MILR1: variants seen among roughly 807,000 people sequenced by gnomAD.
MILR1 encodes mast cell immunoglobulin like receptor 1.
In MILR1, 31 loss-of-function variants were observed where a neutral mutation model predicts 18.5. The ratio of observed to expected loss-of-function variants is 1.68; its 90% CI spans 1.26 to 2.26. The LOEUF is 2.26. Ranked by LOEUF, MILR1 falls within the 30% of genes most tolerant of loss-of-function variation. The probability of loss-of-function intolerance (pLI) is 0.00; values close to 1 mark genes in which losing one functional copy is unlikely to be tolerated. For synonymous variants in MILR1, 85 were observed against 56.2 expected, an observed-to-expected ratio of 1.51 and a Z score of -2.30; for missense variants, 257 against 157.4, an observed-to-expected ratio of 1.63 and a Z score of -3.38.
chr17:64,488,812 A>G, the MILR1 span, among the ~76,000 whole-genome samples: 1 of 152,138 alleles, frequency 6.6e-6, no homozygotes, highest in Non-Finnish European at 1.5e-5. Context: ...TACTAAAAAT[A>G]CAAAAATTAA....
At chr17:64,481,813 T>G in the MILR1 span, among the ~76,000 whole-genome samples, 1 of 151,934 alleles carries the variant, frequency 6.6e-6, no homozygotes, top group African/African-American at 2.4e-5. Context: ...AGGCAGAGGT[T>G]GCAGTGAGCC....
chr17:64,481,336 G>A, the MILR1 span: 1 of 985,100 alleles, frequency 1.0e-6, no homozygotes, highest in Non-Finnish European at 1.2e-6. Flanking sequence ...CAAAAGCCAG[G>A]GTCAGAAAGC....
intron 3 of MILR1, 100 bp downstream of exon 3, chr17:64,452,966 G>T: frequency 2.3e-6 from 1 of 427,988 alleles, no homozygotes; most frequent in East Asian, 3.4e-5. Flanking sequence ...TTAAGAACCT[G>T]GAAAGTATGT....
chr17:64,493,104 A>T, the MILR1 span: 1 of 1,386,782 alleles, frequency 7.2e-7, no homozygotes, highest in Middle Eastern at 1.8e-4. Context: ...TAATAGTAGT[A>T]ATAACGTTAA....
intron 5 of MILR1, among the ~76,000 whole-genome samples, chr17:64,462,799 T>C (rs1231181048): frequency 6.6e-6 from 1 of 151,908 alleles, no homozygotes; most frequent in Non-Finnish European, 1.5e-5. Flanking sequence ...CACCACCATG[T>C]ATTTTTAGTA....
downstream of MILR1, among the ~76,000 whole-genome samples, chr17:64,469,935 C>T (rs368197377): frequency 3.9e-5 from 6 of 152,174 alleles, no homozygotes; most frequent in East Asian, 1.2e-3. Context: ...AGAAGACAAG[C>T]AAAATGTAGT....
intron 3 of MILR1, among the ~76,000 whole-genome samples, chr17:64,456,844 TA>T (rs1309956326): frequency 6.6e-5 from 10 of 151,814 alleles, no homozygotes; most frequent in Non-Finnish European, 1.5e-4. Flanking sequence ...ATTTTTGGAT[TA>T]AAAAAACCCA....
At position 64,457,802 on chromosome 17, in the gene MILR1, T is replaced by A. The variant is rs935793641; in HGVS notation, c.652+118T>A. ...CTGACCTTCCAGGTCCTTCTGAAGG[T>A]GCATTTGTCAAGGTAGAAGGATAGA... On this transcript the variant is annotated intron_variant, in intron 4 of 9. Coordinates refer to ENST00000619286, the MANE Select transcript of MILR1 (RefSeq NM_001085423.2). 1.0e-4 allele frequency: 47 copies of A among 457,964 alleles called. No individual in the cohort carries two copies. In the East Asian group the frequency reaches 1.5e-3, roughly 14 times the overall value. 28.4% of individuals were successfully genotyped at this position (457,964 alleles called of 1,614,324 possible).
the MILR1 span, among the ~76,000 whole-genome samples, chr17:64,478,881 C>A: frequency 1.3e-5 from 2 of 151,912 alleles, no homozygotes; most frequent in Admixed American, 6.6e-5. Flanking sequence ...GGCGACAGTG[C>A]GAGACTCTGT....
intron 4 of MILR1, among the ~76,000 whole-genome samples, chr17:64,457,972 A>G (rs898680656): frequency 1.5e-3 from 226 of 152,346 alleles, no homozygotes; most frequent in Admixed American, 0.013. Flanking sequence ...GGAACCACAG[A>G]AAGGCCTAGA....
chr17:64,471,464 C>A (rs1388141912), downstream of MILR1, among the ~76,000 whole-genome samples: 2 of 152,180 alleles, frequency 1.3e-5, no homozygotes, highest in African/African-American at 4.8e-5. Context: ...TGTCTCACCC[C>A]AGGCACTGCA....
chr17:64,450,292 C>T (rs2037140199), intron 2 of MILR1, among the ~76,000 whole-genome samples: 1 of 152,026 alleles, frequency 6.6e-6, no homozygotes, highest in South Asian at 2.1e-4. Flanking sequence ...GTGTGCAGAT[C>T]AAATGAGACA....
the MILR1 span, chr17:64,485,700 A>C: frequency 6.3e-7 from 1 of 1,585,312 alleles, no homozygotes; most frequent in Non-Finnish European, 8.7e-7. Context: ...TTAGTTTCCC[A>C]AGTCTATCTC....
At chr17:64,454,130 A>C (rs2037238117) in intron 3 of MILR1, among the ~76,000 whole-genome samples, 1 of 151,820 alleles carries the variant, frequency 6.6e-6, no homozygotes. Flanking sequence ...GGGTTTCACC[A>C]TGTTGACCAG....
the MILR1 span, chr17:64,485,584 T>C: frequency 1.4e-6 from 1 of 707,862 alleles, no homozygotes; most frequent in Non-Finnish European, 2.5e-6. Context: ...GTGGCCAGAT[T>C]CTAAAAAAAC....
the MILR1 span, among the ~76,000 whole-genome samples, chr17:64,479,139 C>G: frequency 1.3e-5 from 2 of 150,352 alleles, 1 homozygote; most frequent in Non-Finnish European, 3.0e-5. Flanking sequence ...ATTAGATGCT[C>G]TAATTATAGA....
At chr17:64,454,359 T>C (rs2037242821) in intron 3 of MILR1, among the ~76,000 whole-genome samples, 1 of 152,204 alleles carries the variant, frequency 6.6e-6, no homozygotes, top group African/African-American at 2.4e-5. Context: ...CCTGAATAGC[T>C]TGGATTACAA....
chr17:64,452,464 A>T, intron 2 of MILR1, 133 bp from the exon 3 acceptor site: 1 of 398,198 alleles, frequency 2.5e-6, no homozygotes. Flanking sequence ...TGTTGCCCAG[A>T]CTGGTATCAA....
At chr17:64,494,400 A>G in the MILR1 span, among the ~76,000 whole-genome samples, 1 of 151,394 alleles carries the variant, frequency 6.6e-6, no homozygotes, top group Non-Finnish European at 1.5e-5. Flanking sequence ...TCCACTCCCC[A>G]ATAATATCCT....
Sources: allele counts gnomAD v4.1 joint callset (sites outside exome capture counted in the v4.1 genomes callset), GRCh38; gene constraint gnomAD v4.1.1; transcripts MANE v1.5; gene names NCBI Gene and HGNC (gene_info 2026-07-23, HGNC 2026-07-21).